Variants in PRLR observed in about 807,000 individuals in gnomAD.
PRLR encodes prolactin receptor.
Under a neutral mutation model 40.2 loss-of-function variants are expected in PRLR, and 13 were observed. That is an observed-to-expected ratio of 0.32 (90% CI 0.21 to 0.51). The LOEUF (loss-of-function observed/expected upper bound fraction) is 0.51. PRLR is among the 20% of genes least tolerant of loss of function. The pLI is 0.97. For synonymous variants in PRLR, 269 were observed against 278.7 expected (o/e 0.97, Z 0.35); for missense variants, 656 against 747.3 (o/e 0.88, Z 1.42).
intron 5 of PRLR, among the ~76,000 whole-genome samples, chr5:35,077,437 A>G (rs1456833440): frequency 6.6e-6 from 1 of 152,242 alleles, no homozygotes; most frequent in African/African-American, 2.4e-5. Flanking sequence ...GAAACCAACA[A>G]AGATCAAAAG....
At chr5:35,090,791 C>CTTTTTTTT (rs554800498) in intron 2 of PRLR, among the ~76,000 whole-genome samples, 5 of 59,138 alleles carry the variant, frequency 8.5e-5, no homozygotes, top group Admixed American at 2.4e-4. Flanking sequence ...TCAATTAGCT[C>CTTTTTTTT]TTTTTTTTTT....
chr5:35,133,995 A>C (rs1448507076), intron 1 of PRLR, among the ~76,000 whole-genome samples: 1 of 152,136 alleles, frequency 6.6e-6, no homozygotes, highest in African/African-American at 2.4e-5. Flanking sequence ...GAGGATGCAA[A>C]GGCATAAGAA....
At chr5:35,168,811 G>A (rs748280283) in intron 1 of PRLR, among the ~76,000 whole-genome samples, 8 of 152,042 alleles carry the variant, frequency 5.3e-5, no homozygotes, top group East Asian at 3.8e-4. Flanking sequence ...CACATACTGC[G>A]AGTTGATAAA....
chr5:35,133,822 G>A (rs1405436204), intron 1 of PRLR, among the ~76,000 whole-genome samples: 3 of 152,144 alleles, frequency 2.0e-5, no homozygotes, highest in Non-Finnish European at 4.4e-5. Context: ...TCTCATTTTT[G>A]CCAAGTGGTC....
At chr5:35,053,777 A>C (rs374294670), downstream of PRLR, among the ~76,000 whole-genome samples, 11 of 152,326 alleles carry the variant, frequency 7.2e-5, no homozygotes, top group East Asian at 1.7e-3. Flanking sequence ...CTCCCAACAC[A>C]ATTTTTTAGG....
intron 1 of PRLR, among the ~76,000 whole-genome samples, chr5:35,184,619 T>C (rs1775377603): frequency 6.6e-6 from 1 of 152,204 alleles, no homozygotes; most frequent in Non-Finnish European, 1.5e-5. Context: ...ATGGGATCCA[T>C]TGCACCACAT....
intron 1 of PRLR, among the ~76,000 whole-genome samples, chr5:35,165,847 C>T (rs1384651940): frequency 6.6e-6 from 1 of 152,180 alleles, no homozygotes; most frequent in Non-Finnish European, 1.5e-5. Flanking sequence ...TTCAGCAGAA[C>T]TGAATTCTGC....
intron 2 of PRLR, among the ~76,000 whole-genome samples, chr5:35,097,986 T>A (rs1319849011): frequency 6.6e-6 from 1 of 152,190 alleles, no homozygotes; most frequent in Non-Finnish European, 1.5e-5. Context: ...TATTTAGAAC[T>A]TAGATAGAGG....
chr5:35,078,372 A>G (rs778880057), intron 5 of PRLR, among the ~76,000 whole-genome samples: 91 of 152,326 alleles, frequency 6.0e-4, no homozygotes, highest in Admixed American at 2.0e-3. Flanking sequence ...TAAAGGGGAT[A>G]TCACCACCAA....
chr5:35,079,761 G>A (rs1770377675), intron 5 of PRLR, among the ~76,000 whole-genome samples: 1 of 152,172 alleles, frequency 6.6e-6, no homozygotes, highest in Non-Finnish European at 1.5e-5. Context: ...CAAAGCTGGA[G>A]GCGTCACACT....
At chr5:35,155,124 G>A (rs1363682922) in intron 1 of PRLR, among the ~76,000 whole-genome samples, 1 of 152,100 alleles carries the variant, frequency 6.6e-6, no homozygotes, top group Non-Finnish European at 1.5e-5. Context: ...TGCACATCCT[G>A]TACATGTACC....
chr5:35,182,715 G>C (rs1775325673), intron 1 of PRLR, among the ~76,000 whole-genome samples: 1 of 152,216 alleles, frequency 6.6e-6, no homozygotes, highest in African/African-American at 2.4e-5. Context: ...TTAAATAAGT[G>C]AGGGAATCTG....
intron 1 of PRLR, among the ~76,000 whole-genome samples, chr5:35,169,955 G>C (rs1265786892): frequency 6.6e-6 from 1 of 152,182 alleles, no homozygotes; most frequent in Non-Finnish European, 1.5e-5. Context: ...GTTTTCATAT[G>C]AGGCTCGGTC....
chr5:35,146,129 A>T (rs879296553), intron 1 of PRLR, among the ~76,000 whole-genome samples: 2 of 152,230 alleles, frequency 1.3e-5, no homozygotes. Flanking sequence ...TCACTTCCAG[A>T]ATCTGGTTCT....
At chr5:35,070,774 C>T (rs536380312) in intron 6 of PRLR, among the ~76,000 whole-genome samples, 3 of 134,470 alleles carry the variant, frequency 2.2e-5, no homozygotes, top group East Asian at 2.3e-4. Context: ...ACCTGGGAGG[C>T]GGATGTTTCA....
chr5:35,213,163 C>T (rs1293353380), intron 1 of PRLR, among the ~76,000 whole-genome samples: 1 of 152,188 alleles, frequency 6.6e-6, no homozygotes, highest in African/African-American at 2.4e-5. Context: ...TGAAAAATGT[C>T]CTGATCAACG....
At chr5:35,147,949 A>G (rs1579731725) in intron 1 of PRLR, among the ~76,000 whole-genome samples, 3 of 152,122 alleles carry the variant, frequency 2.0e-5, no homozygotes, top group Admixed American at 2.0e-4. Context: ...ATTAGAAGAA[A>G]ATTGCTCTTG....
chr5:35,080,969 C>G (rs139373683), intron 5 of PRLR, among the ~76,000 whole-genome samples: 1 of 143,826 alleles, frequency 7.0e-6, no homozygotes, highest in Non-Finnish European at 1.5e-5. Context: ...CATGTTCTCA[C>G]TCACAGGTGG....
At chr5:35,127,227 T>C (rs1170337771) in intron 1 of PRLR, among the ~76,000 whole-genome samples, 1 of 152,208 alleles carries the variant, frequency 6.6e-6, no homozygotes, top group Non-Finnish European at 1.5e-5. Flanking sequence ...CACTCAGCTG[T>C]GAACTTGTCA....
Sources: allele counts gnomAD v4.1 joint callset (sites outside exome capture counted in the v4.1 genomes callset), GRCh38; gene constraint gnomAD v4.1.1; transcripts MANE v1.5; gene names NCBI Gene and HGNC (gene_info 2026-07-23, HGNC 2026-07-21).